ADGRL3: variants seen among roughly 807,000 people sequenced by gnomAD.
ADGRL3 encodes the protein adhesion G protein-coupled receptor L3, also known as calcium-independent alpha-latrotoxin receptor 3.
A neutral mutation model predicts 153.5 loss-of-function variants in ADGRL3; 62 were observed. The observed-to-expected ratio is 0.40, with a 90% CI of 0.33 to 0.50. The LOEUF (loss-of-function observed/expected upper bound fraction) is 0.50, where lower values mean the gene tolerates loss of function less well. Ranked by LOEUF, ADGRL3 falls within the 20% of genes least tolerant of loss-of-function variation. The probability of loss-of-function intolerance (pLI) is 0.47; values close to 1 mark genes in which losing one functional copy is unlikely to be tolerated. For synonymous variants in ADGRL3, 710 were observed against 672.5 expected (o/e 1.06, Z -0.86); for missense variants, 1,641 against 1,859.4 (o/e 0.88, Z 2.16).
At chr4:61,680,489 T>A (rs1159270371) in intron 6 of ADGRL3, among the ~76,000 whole-genome samples, 1 of 150,814 alleles carries the variant, frequency 6.6e-6, no homozygotes, top group South Asian at 2.1e-4. Context: ...GACTTTTTCA[T>A]GGACAAAATG....
At chr4:61,763,058 G>A (rs1580701088) in intron 8 of ADGRL3, among the ~76,000 whole-genome samples, 1 of 151,644 alleles carries the variant, frequency 6.6e-6, no homozygotes, top group East Asian at 1.9e-4. Context: ...AGAAATATAT[G>A]CTTCATACCA....
intron 9 of ADGRL3, among the ~76,000 whole-genome samples, chr4:61,827,550 AT>A (rs1336473915): frequency 6.6e-6 from 1 of 152,202 alleles, no homozygotes; most frequent in African/African-American, 2.4e-5. Context: ...GCATAGAAAT[AT>A]TGATTCCAGT....
chr4:61,502,089 T>G (rs1026144016), intron 3 of ADGRL3, among the ~76,000 whole-genome samples: 3 of 152,134 alleles, frequency 2.0e-5, no homozygotes, highest in Non-Finnish European at 4.4e-5. Flanking sequence ...TTTGTTGTTG[T>G]TCTGTTGATG....
At chr4:62,023,806 T>G (rs1716699766) in intron 21 of ADGRL3, among the ~76,000 whole-genome samples, 1 of 152,198 alleles carries the variant, frequency 6.6e-6, no homozygotes, top group Non-Finnish European at 1.5e-5. Context: ...ACATAACTTT[T>G]ATACGCACTG....
At chr4:61,938,540 G>A (rs1219849142) in intron 15 of ADGRL3, among the ~76,000 whole-genome samples, 2 of 152,090 alleles carry the variant, frequency 1.3e-5, no homozygotes, top group Admixed American at 1.3e-4. Flanking sequence ...CTAGAGCAAG[G>A]AGGCTGACAG....
At chr4:61,601,611 C>T (rs2099011938) in intron 5 of ADGRL3, among the ~76,000 whole-genome samples, 1 of 152,112 alleles carries the variant, frequency 6.6e-6, no homozygotes, top group Non-Finnish European at 1.5e-5. Context: ...TTTTCAGAAC[C>T]TAGATGATAT....
At chr4:61,992,626 A>T (rs977256969) in intron 19 of ADGRL3, among the ~76,000 whole-genome samples, 1 of 152,192 alleles carries the variant, frequency 6.6e-6, no homozygotes, top group Non-Finnish European at 1.5e-5. Context: ...TGGAGGGATG[A>T]TTTACTAAGT....
At chr4:61,219,235 G>A (rs1043901794) in intron 1 of ADGRL3, among the ~76,000 whole-genome samples, 1 of 152,152 alleles carries the variant, frequency 6.6e-6, no homozygotes. Context: ...TTGGTTAAAT[G>A]ACCTCATCTA....
In ADGRL3 at chr4:61,500,009, CACACAT is replaced by C. The variant is rs1428693511; in HGVS notation, c.55+2667_55+2672del. 7.9e-4 allele frequency among the ~76,000 whole-genome samples: 105 copies of C among 132,792 alleles called. No individual in the cohort carries two copies. The Admixed American group carries it at 9.0e-3, about 11-fold the overall frequency. The allele number at this position is 132,792 out of a possible 152,430, so 87.1% of individuals were successfully genotyped here. A position where few individuals can be genotyped will look rare whatever the true frequency, so the allele number is the denominator to read the frequency against. On this transcript the variant is annotated intron_variant, in intron 3 of 26. Coordinates refer to ENST00000683033, the MANE Select transcript of ADGRL3 (RefSeq NM_001387552.1). ...ACAGACACACACACACACACACACACACACATACACACACAGAAACAGAGAGAGAGA... is the reference window on the plus strand; with the variant it reads ...ACAGACACACACACACACACACACACACACACACAGAAACAGAGAGAGAGA...
At chr4:61,776,125 C>T (rs945680053) in intron 8 of ADGRL3, among the ~76,000 whole-genome samples, 3 of 152,140 alleles carry the variant, frequency 2.0e-5, no homozygotes, top group South Asian at 2.1e-4. Flanking sequence ...TGATCTCGAT[C>T]TCCTGACCTT....
intron 1 of ADGRL3, among the ~76,000 whole-genome samples, chr4:61,377,840 T>G (rs1345506826): frequency 2.0e-5 from 3 of 151,998 alleles, no homozygotes; most frequent in Non-Finnish European, 4.4e-5. Context: ...AGCTATAAAT[T>G]TGCCTTTGAG....
intron 8 of ADGRL3, among the ~76,000 whole-genome samples, chr4:61,760,830 A>G (rs1394330116): frequency 1.3e-5 from 2 of 152,078 alleles, no homozygotes; most frequent in African/African-American, 4.8e-5. Context: ...TGAGACAGGG[A>G]AATTGCAACA....
intron 8 of ADGRL3, among the ~76,000 whole-genome samples, chr4:61,746,211 T>C (rs1459793668): frequency 2.0e-5 from 3 of 152,042 alleles, no homozygotes; most frequent in Non-Finnish European, 4.4e-5. Flanking sequence ...ATAAAGCAAG[T>C]CCTGAGTGAC....
chr4:61,441,740 T>C (rs553439301), intron 2 of ADGRL3, among the ~76,000 whole-genome samples: 4 of 152,310 alleles, frequency 2.6e-5, no homozygotes, highest in African/African-American at 9.6e-5. Context: ...AAGTTCTGAC[T>C]TCACATGAAG....
chr4:61,591,071 C>T (rs141260947), intron 5 of ADGRL3, among the ~76,000 whole-genome samples: 155 of 152,240 alleles, frequency 1.0e-3, no homozygotes, highest in African/African-American at 3.5e-3. Context: ...CCTCAGAAAG[C>T]GCCCCCTTGT....
intron 1 of ADGRL3, among the ~76,000 whole-genome samples, chr4:61,306,320 A>C (rs1412748922): frequency 6.6e-6 from 1 of 151,860 alleles, no homozygotes; most frequent in African/African-American, 2.4e-5. Flanking sequence ...GGATGGTCTC[A>C]AACTCCTGAC....
Position 61,738,092 on chromosome 4 carries a change from T to C in ADGRL3, c.1399+4538T>C, listed in dbSNP as rs187033710. On this transcript the variant is annotated intron_variant, in intron 8 of 26. Transcript: ENST00000683033. ...TCCCTCATCCCCTCCCACCCTTTCC[T>C]CCAAGTCCCCAAAGTCCACTGTATC... is the stretch of plus-strand genomic sequence containing the variant. Among the ~76,000 whole-genome samples, 838 of 152,062 alleles carry C rather than the reference T, an allele frequency of 5.5e-3. 10 individuals are homozygous for C. The highest frequency in any genetic ancestry group is 0.019 in the African/African-American group (768 of 41,502).
At chr4:61,789,404 A>T (rs541762613) in intron 8 of ADGRL3, among the ~76,000 whole-genome samples, 55 of 152,238 alleles carry the variant, frequency 3.6e-4, no homozygotes, top group African/African-American at 1.0e-3. Context: ...AGGCCAATTA[A>T]TCACCAAGCG....
intron 2 of ADGRL3, among the ~76,000 whole-genome samples, chr4:61,429,249 G>A (rs1309458069): frequency 6.6e-6 from 1 of 152,108 alleles, no homozygotes; most frequent in African/African-American, 2.4e-5. Context: ...AGTATTGCTA[G>A]TAAATGACAA....
Sources: gnomAD v4.1 joint callset for allele counts (sites outside exome capture counted in the v4.1 genomes callset) on GRCh38, gnomAD v4.1.1 for gene constraint, MANE v1.5 for transcripts, NCBI Gene and HGNC (gene_info 2026-07-23, HGNC 2026-07-21) for gene names.